CBFA2T2: variants seen among roughly 807,000 people sequenced by gnomAD.
CBFA2T2 encodes the protein CBFA2/RUNX1 partner transcriptional co-repressor 2.
Under a neutral mutation model 62.2 loss-of-function variants are expected in CBFA2T2, and 11 were observed. The ratio of observed to expected loss-of-function variants is 0.18; its 90% confidence interval spans 0.11 to 0.29. The LOEUF is 0.29. Among genes scored for constraint, CBFA2T2 ranks in the 10% least tolerant of loss-of-function variants. CBFA2T2 has a pLI of 1.00. For missense variants in CBFA2T2, 592 were observed against 774.1 expected (o/e 0.76, Z 2.79); for synonymous variants, 295 against 287.5 (o/e 1.03, Z -0.27).
At chr20:33,599,938 G>A (rs1052826109) in intron 1 of CBFA2T2, among the ~76,000 whole-genome samples, 4 of 152,054 alleles carry the variant, frequency 2.6e-5, no homozygotes, top group African/African-American at 9.7e-5. Flanking sequence ...TTTGTTGAAT[G>A]ATAAATTGTT....
At chr20:33,538,844 G>A (rs1263076833) in intron 1 of CBFA2T2, among the ~76,000 whole-genome samples, 1 of 143,422 alleles carries the variant, frequency 7.0e-6, no homozygotes, top group Admixed American at 6.9e-5. Flanking sequence ...TCATATTGTT[G>A]TTTGTTTTTT....
intron 1 of CBFA2T2, among the ~76,000 whole-genome samples, chr20:33,590,466 C>T (rs1380523919): frequency 6.6e-6 from 1 of 152,040 alleles, no homozygotes; most frequent in Non-Finnish European, 1.5e-5. Context: ...TGCGCATGCC[C>T]CAGGAATATA....
intron 1 of CBFA2T2, chr20:33,562,214 T>A (rs1458119176): frequency 5.8e-6 from 1 of 172,886 alleles, no homozygotes; most frequent in Non-Finnish European, 1.2e-5. Flanking sequence ...CTTGCTGTTA[T>A]TGTCAGCCAT....
rs1183371343 is a variant in CBFA2T2, at chr20:33,600,182, G to GTTTTTTT, written c.35-6751_35-6745dup. ...AAGTTAGAATTATCACTTTTGGAAA[G>GTTTTTTT]TTTTTTTTTTTTTTTTTTTTTTTTT... On this transcript the variant is annotated intron_variant, in intron 1 of 10. Coordinates refer to ENST00000342704, the MANE Select transcript of CBFA2T2 (RefSeq NM_001032999.3). 1.5e-3 allele frequency among the ~76,000 whole-genome samples: 96 copies of GTTTTTTT among 62,064 alleles called. 3 individuals carry two copies. Among genetic ancestry groups the GTTTTTTT allele is most frequent in the East Asian group, 3.8e-3 (6 of 1,596 alleles). 40.7% of individuals were successfully genotyped at this position (62,064 alleles called of 152,430 possible).
chr20:33,600,119 G>A (rs549561854), intron 1 of CBFA2T2, among the ~76,000 whole-genome samples: 9 of 141,420 alleles, frequency 6.4e-5, no homozygotes, highest in African/African-American at 1.1e-4. Context: ...GGCTATAAAT[G>A]TAACAGTAAT....
intron 1 of CBFA2T2, among the ~76,000 whole-genome samples, chr20:33,535,823 G>A (rs1236543451): frequency 6.6e-6 from 1 of 151,984 alleles, no homozygotes; most frequent in East Asian, 1.9e-4. Flanking sequence ...GCGGCCTTCC[G>A]CAGTGTTTGT....
rs143085880 is a variant in CBFA2T2, at chr20:33,626,335, G to A, written c.946+1318G>A. Among the ~76,000 whole-genome samples the A allele has an allele frequency of 2.4e-4, 36 of 152,312 alleles. No homozygotes were observed. In the East Asian group the frequency reaches 6.9e-3, roughly 29 times the overall value. ...ATGGACATTTAGGTCAGGAGGTGAG[G>A]CATATCGAAATCTTGGCTCTGCATC... On this transcript the variant is annotated intron_variant, in intron 6 of 10. Transcript: ENST00000342704.
chr20:33,611,354 T>C lies in CBFA2T2; in HGVS notation c.420+19T>C. ...ACTGGTGGTAAGTACAGCCTCACTGTTGTTCTCAGCTGCCTGAGTATGTGG... is the reference window on the plus strand; with the variant it reads ...ACTGGTGGTAAGTACAGCCTCACTGCTGTTCTCAGCTGCCTGAGTATGTGG... On this transcript the variant is annotated intron_variant, in intron 3 of 10. Coordinates refer to ENST00000342704, the MANE Select transcript of CBFA2T2 (RefSeq NM_001032999.3). The C allele has an allele frequency of 1.2e-6, 2 of 1,610,188 alleles. No homozygotes were observed. Among genetic ancestry groups the C allele is most frequent in the Non-Finnish European group, 1.7e-6 (2 of 1,176,706 alleles).
intron 4 of CBFA2T2, among the ~76,000 whole-genome samples, chr20:33,620,322 A>G (rs1022732107): frequency 6.6e-6 from 1 of 151,964 alleles, no homozygotes; most frequent in Non-Finnish European, 1.5e-5. Context: ...AGACTGGCCA[A>G]CATGGCAAAA....
Position 33,537,585 on chromosome 20 carries a change from C to T in CBFA2T2, c.34+47284C>T, listed in dbSNP as rs138112660. Reference sequence around the variant, plus strand: ...TGTGTCTAAGGAATCTTTGCCTAACCCGAGTTCACAAAGATTTTCTTGTAT... The same window carrying T: ...TGTGTCTAAGGAATCTTTGCCTAACTCGAGTTCACAAAGATTTTCTTGTAT... On this transcript the variant is annotated intron_variant, in intron 1 of 10. Transcript: ENST00000342704. Among the ~76,000 whole-genome samples, 741 of 152,172 alleles carry T rather than the reference C, an allele frequency of 4.9e-3. 4 individuals carry two copies. Among genetic ancestry groups the T allele is most frequent in the Non-Finnish European group, 8.8e-3 (598 of 67,996 alleles).
chr20:33,594,367 G>A (rs955982586), intron 1 of CBFA2T2, among the ~76,000 whole-genome samples: 10 of 152,040 alleles, frequency 6.6e-5, no homozygotes, highest in African/African-American at 1.7e-4. Flanking sequence ...GACTACAGGC[G>A]TCTGCCACCA....
chr20:33,615,753 A>AG (rs1339747966), intron 3 of CBFA2T2, among the ~76,000 whole-genome samples: 1 of 151,956 alleles, frequency 6.6e-6, no homozygotes, highest in African/African-American at 2.4e-5. Context: ...TAAAAAAAAA[A>AG]GAGAGAGAGA....
Position 33,592,869 on chromosome 20 carries a change from T to C in CBFA2T2, c.35-14087T>C, listed in dbSNP as rs142907311. Among the ~76,000 whole-genome samples, 47 of 152,296 alleles carry C rather than the reference T, an allele frequency of 3.1e-4. 1 individual carries two copies. The highest frequency in any genetic ancestry group is 8.9e-4 in the African/African-American group (37 of 41,558). On this transcript the variant is annotated intron_variant, in intron 1 of 10. Coordinates refer to ENST00000342704, the MANE Select transcript of CBFA2T2 (RefSeq NM_001032999.3). Reference sequence around the variant, plus strand: ...AGAATAATGTCTTATATATCATGACTCCATTAACCTCTATAAAGAAGCTGA... The same window carrying C: ...AGAATAATGTCTTATATATCATGACCCCATTAACCTCTATAAAGAAGCTGA...
chr20:33,641,131 C>T (rs2016821467), intron 10 of CBFA2T2, among the ~76,000 whole-genome samples: 1 of 151,928 alleles, frequency 6.6e-6, no homozygotes, highest in Admixed American at 6.6e-5. Context: ...CTCCTGGGTT[C>T]ACGCCATTCT....
chr20:33,592,405 T>TTATATATATAATTATGTAAAAATTA (rs2014695732), intron 1 of CBFA2T2, among the ~76,000 whole-genome samples: 1 of 146,676 alleles, frequency 6.8e-6, no homozygotes, highest in Admixed American at 6.8e-5. Flanking sequence ...TATGTAAAAA[T>TTATATATATAATTATGTAAAAATTA]TATATATATA....
chr20:33,579,417 C>T (rs763418670), intron 1 of CBFA2T2, among the ~76,000 whole-genome samples: 3 of 151,828 alleles, frequency 2.0e-5, no homozygotes, highest in Non-Finnish European at 4.4e-5. Context: ...CTTTAATTTT[C>T]GTGAAGTCTA....
chr20:33,587,307 G>T (rs1036520549), intron 1 of CBFA2T2, among the ~76,000 whole-genome samples: 1 of 148,876 alleles, frequency 6.7e-6, no homozygotes, highest in Non-Finnish European at 1.5e-5. Context: ...CTGCTCTGTC[G>T]CCAGGCTGGA....
chr20:33,640,264 C>G (rs2016780080), intron 9 of CBFA2T2, 77 bp from the exon 10 acceptor site: 2 of 1,326,776 alleles, frequency 1.5e-6, no homozygotes, highest in East Asian at 4.9e-5. Context: ...TGTCAGCTCT[C>G]TCCTTACTTA....
chr20:33,526,441 A>G (rs142565986), intron 1 of CBFA2T2, among the ~76,000 whole-genome samples: 211 of 152,298 alleles, frequency 1.4e-3, no homozygotes, highest in African/African-American at 4.8e-3. Flanking sequence ...TGTAGCAATA[A>G]AAATAATCTA....
Sources: allele counts gnomAD v4.1 joint callset (sites outside exome capture counted in the v4.1 genomes callset), GRCh38; gene constraint gnomAD v4.1.1; transcripts MANE v1.5; gene names NCBI Gene and HGNC (gene_info 2026-07-23, HGNC 2026-07-21).